CCDC91: variants seen among roughly 807,000 people sequenced by gnomAD.
The protein encoded by CCDC91 is coiled-coil domain-containing protein 91.
A neutral mutation model predicts 63.2 loss-of-function variants in CCDC91; 48 were observed. That is an observed-to-expected ratio of 0.76 (90% CI 0.60 to 0.97). The LOEUF is 0.97. Among genes scored for constraint, CCDC91 ranks in the 50% least tolerant of loss-of-function variants. CCDC91 has a pLI of 0.00. For missense variants in CCDC91, 500 were observed against 494.6 expected, an observed-to-expected ratio of 1.01 and a Z score of -0.10; for synonymous variants, 167 against 165.8, an observed-to-expected ratio of 1.01 and a Z score of -0.06.
intron 12 of CCDC91, among the ~76,000 whole-genome samples, chr12:28,541,493 G>C (rs1221597924): frequency 6.6e-6 from 1 of 152,038 alleles, no homozygotes; most frequent in African/African-American, 2.4e-5. Flanking sequence ...CAAAACAAAA[G>C]GAAGGATACA....
chr12:28,201,009 C>A lies in CCDC91; in HGVS notation c.-15+10368C>A, dbSNP rs1428659075. ...GGCTGGCCGGGCGGGGGGCTGACCC[C>A]CCCACCTCCCTCCCGGATGGGGCGG... On this transcript the variant is annotated intron_variant, in intron 1 of 12. Transcript: ENST00000536442. Among the ~76,000 whole-genome samples the A allele has an allele frequency of 2.1e-5, 3 of 141,758 alleles. No homozygotes were observed. The East Asian group carries it at 6.2e-4, about 29-fold the overall frequency. The allele number at this position is 141,758 out of a possible 152,430, so 93.0% of individuals were successfully genotyped here.
intron 6 of CCDC91, among the ~76,000 whole-genome samples, chr12:28,326,384 T>C (rs550669429): frequency 1.5e-5 from 1 of 68,800 alleles, no homozygotes; most frequent in East Asian, 5.8e-4. Context: ...TTTTTTATGT[T>C]AGAATTGTTT....
At chr12:28,364,092 ATGTC>A (rs1485680730) in intron 7 of CCDC91, among the ~76,000 whole-genome samples, 4 of 152,082 alleles carry the variant, frequency 2.6e-5, no homozygotes, top group Non-Finnish European at 1.5e-5. Context: ...TCATTAAAAA[ATGTC>A]TGATTTTGGC....
intron 3 of CCDC91, among the ~76,000 whole-genome samples, chr12:28,293,874 T>C (rs566262192): frequency 6.6e-6 from 1 of 152,160 alleles, no homozygotes; most frequent in South Asian, 2.1e-4. Flanking sequence ...GACACTGTGC[T>C]CACCTCCTTG....
intron 6 of CCDC91, among the ~76,000 whole-genome samples, chr12:28,324,527 G>A (rs892384436): frequency 2.0e-5 from 3 of 151,742 alleles, no homozygotes; most frequent in Admixed American, 6.6e-5. Flanking sequence ...TACTTTTCTC[G>A]AATCCAATAT....
chr12:28,443,820 G>A (rs1949358985), intron 8 of CCDC91, among the ~76,000 whole-genome samples: 1 of 152,044 alleles, frequency 6.6e-6, no homozygotes, highest in Admixed American at 6.6e-5. Context: ...CAAACGAAAT[G>A]GAAAATAAAT....
At chr12:28,454,917 G>A (rs1021931213) in intron 11 of CCDC91, among the ~76,000 whole-genome samples, 17 of 152,150 alleles carry the variant, frequency 1.1e-4, no homozygotes, top group Non-Finnish European at 2.2e-4. Context: ...CCCACAAAGG[G>A]TATTTGTGCA....
At chr12:28,539,062 G>C (rs1032186016) in intron 12 of CCDC91, among the ~76,000 whole-genome samples, 2 of 152,102 alleles carry the variant, frequency 1.3e-5, no homozygotes, top group Non-Finnish European at 2.9e-5. Context: ...TAGGTTGCCT[G>C]TTCACTCTGA....
chr12:28,428,679 A>AT (rs1223656324), intron 8 of CCDC91, among the ~76,000 whole-genome samples: 2 of 150,348 alleles, frequency 1.3e-5, no homozygotes, highest in Non-Finnish European at 3.0e-5. Flanking sequence ...AATTTTCTAC[A>AT]TTTTTTCTTT....
In CCDC91 at chr12:28,549,150, A is replaced by G; in HGVS notation, c.1303A>G (p.Thr435Ala). 1.2e-6 allele frequency: 2 copies of G among 1,609,032 alleles called. No homozygotes were observed. Among genetic ancestry groups the G allele is most frequent in the Non-Finnish European group, 1.7e-6 (2 of 1,175,710 alleles). ...AQKQLSALIA[T>A]EPVDIE Reference sequence around the variant, plus strand: ...GAAACAGTTAAGTGCTTTAATAGCTACGGAACCAGTTGACATTGAATAAAA... The same window carrying G: ...GAAACAGTTAAGTGCTTTAATAGCTGCGGAACCAGTTGACATTGAATAAAA... Residue 435 changes from threonine to alanine, a missense_variant, in exon 13 of 13, where the codon ACG (threonine) becomes GCG (alanine). Physicochemically the swap from Thr to Ala is moderately conservative, Grantham distance 58. Coordinates refer to ENST00000536442, the MANE Select transcript of CCDC91 (RefSeq NM_018318.5).
intron 8 of CCDC91, among the ~76,000 whole-genome samples, chr12:28,444,848 GAT>G (rs1949418494): frequency 9.7e-6 from 1 of 103,098 alleles, no homozygotes; most frequent in South Asian, 2.7e-4. Flanking sequence ...TTTTCTTAAA[GAT>G]TTTTTTTTTT....
chr12:28,290,089 CTATT>C (rs1949150397), intron 3 of CCDC91, among the ~76,000 whole-genome samples: 1 of 151,872 alleles, frequency 6.6e-6, no homozygotes, highest in South Asian at 2.1e-4. Context: ...CTTTGATGCT[CTATT>C]TCTGTCAGTG....
At chr12:28,236,506 A>G (rs1309148885) in intron 1 of CCDC91, 2 of 152,000 alleles carry the variant, frequency 1.3e-5, no homozygotes, top group African/African-American at 4.8e-5. Context: ...TTTTCTTCAT[A>G]TAAAATAAAA....
intron 12 of CCDC91, among the ~76,000 whole-genome samples, chr12:28,497,553 A>T (rs560523667): frequency 6.6e-6 from 1 of 151,696 alleles, no homozygotes; most frequent in East Asian, 2.0e-4. Flanking sequence ...TTTCCAGATG[A>T]CTTTTTTTCC....
intron 1 of CCDC91, among the ~76,000 whole-genome samples, chr12:28,196,846 T>A (rs1419754328): frequency 6.6e-6 from 1 of 152,198 alleles, no homozygotes; most frequent in Non-Finnish European, 1.5e-5. Context: ...ACAAAATTGT[T>A]AATATTGTTT....
chr12:28,495,772 T>G (rs1326992486), intron 12 of CCDC91, among the ~76,000 whole-genome samples: 1 of 151,668 alleles, frequency 6.6e-6, no homozygotes, highest in Non-Finnish European at 1.5e-5. Flanking sequence ...GCTCTTCATA[T>G]TTTTCCATGT....
intron 1 of CCDC91, among the ~76,000 whole-genome samples, chr12:28,252,697 T>A (rs1289680799): frequency 6.6e-6 from 1 of 152,140 alleles, no homozygotes; most frequent in Non-Finnish European, 1.5e-5. Context: ...CTTTCTTGGA[T>A]AGTCTTTGTT....
intron 3 of CCDC91, among the ~76,000 whole-genome samples, chr12:28,281,222 G>T (rs907403080): frequency 1.3e-5 from 2 of 152,124 alleles, no homozygotes; most frequent in Non-Finnish European, 2.9e-5. Flanking sequence ...TATGGACATG[G>T]TATTTGTATC....
rs201698087 is a variant in CCDC91 at position 28,245,968 on chromosome 12, A to G, written c.-14-11234A>G. 1.1e-4 allele frequency among the ~76,000 whole-genome samples: 16 copies of G among 152,332 alleles called. No homozygotes were observed. The East Asian group carries it at 2.9e-3, about 27-fold the overall frequency. On this transcript the variant is annotated intron_variant, in intron 1 of 12. Transcript: ENST00000536442. Reference sequence around the variant, plus strand: ...AAAGTAGATGTATTGAAAAATGTTCACAGCATTTCTGGTCTCAATAACAAA... The same window carrying G: ...AAAGTAGATGTATTGAAAAATGTTCGCAGCATTTCTGGTCTCAATAACAAA...
Sources: allele counts gnomAD v4.1 joint callset (sites outside exome capture counted in the v4.1 genomes callset), GRCh38; gene constraint gnomAD v4.1.1; transcripts MANE v1.5; gene names NCBI Gene and HGNC (gene_info 2026-07-23, HGNC 2026-07-21).